TTLL7: variants seen among roughly 807,000 people sequenced by gnomAD.
TTLL7 encodes tubulin tyrosine ligase like 7, also known as tubulin polyglutamylase TTLL7.
Under a neutral mutation model 120.2 loss-of-function variants are expected in TTLL7, and 53 were observed. The observed-to-expected ratio is 0.44, with a 90% CI of 0.35 to 0.55. TTLL7 has a LOEUF of 0.55. TTLL7 is among the 20% of genes least tolerant of loss of function. TTLL7 has a pLI of 0.00. For synonymous variants in TTLL7, 353 were observed against 351.7 expected, an observed-to-expected ratio of 1.00 and a Z score of -0.04; for missense variants, 803 against 1,054.7, an observed-to-expected ratio of 0.76 and a Z score of 3.31.
At chr1:83,958,961 T>C (rs77058700) in intron 1 of TTLL7, among the ~76,000 whole-genome samples, 1 of 152,212 alleles carries the variant, frequency 6.6e-6, no homozygotes, top group Non-Finnish European at 1.5e-5. Context: ...CCACAATGTT[T>C]ATCATTATGC....
rs75593669 is a variant in TTLL7, at chr1:83,989,689, T to C, written c.-177+9242A>G. Among the ~76,000 whole-genome samples, 1,034 of 152,324 alleles carry C rather than the reference T, an allele frequency of 6.8e-3. 35 individuals are homozygous for C. Among genetic ancestry groups the C allele is most frequent in the East Asian group, 0.06 (309 of 5,192 alleles). On this transcript the variant is annotated intron_variant, in intron 1 of 20. Coordinates refer to ENST00000260505, the MANE Select transcript of TTLL7 (RefSeq NM_024686.6). ...ATTTTCAAATAGTTTTTGTTTTGTTTTGTTTTTTTAGTTCTGTGAAAAATG... is the reference window on the plus strand; with the variant it reads ...ATTTTCAAATAGTTTTTGTTTTGTTCTGTTTTTTTAGTTCTGTGAAAAATG...
intron 18 of TTLL7, among the ~76,000 whole-genome samples, chr1:83,893,123 C>A (rs1017059955): frequency 6.6e-6 from 1 of 151,550 alleles, no homozygotes; most frequent in Admixed American, 6.6e-5. Context: ...TTCCAAGAAC[C>A]TAGCTTTTGA....
At position 83,911,294 on chromosome 1, in the gene TTLL7, A is replaced by G. The variant is rs1236019551; in HGVS notation, c.1657T>C (p.Tyr553His). 2.5e-6 allele frequency: 4 copies of G among 1,613,694 alleles called. No individual in the cohort carries two copies. Among genetic ancestry groups the G allele is most frequent in the Non-Finnish European group, 3.4e-6 (4 of 1,179,748 alleles). Residue 553 changes from tyrosine to histidine, a missense_variant, in exon 15 of 21, where the codon TAT becomes CAT. Tyr to His is a moderately conservative substitution (Grantham distance 83). This residue lies in a region of TTLL7 where 388 missense variants were observed against 450.4 expected (regional missense o/e 0.86). Transcript: ENST00000260505. ...TCTGAAGAGCTGCTGCTACTATCATAACTGCTGTCACTGCTGCAGTACTTT... is the reference window on the plus strand; with the variant it reads ...TCTGAAGAGCTGCTGCTACTATCATGACTGCTGTCACTGCTGCAGTACTTT... ...RPKYCSSDSS[Y>H]DSSSSSSESD...
At chr1:83,934,226 T>A (rs1171884019) in intron 8 of TTLL7, among the ~76,000 whole-genome samples, 2 of 152,212 alleles carry the variant, frequency 1.3e-5, no homozygotes, top group African/African-American at 4.8e-5. Flanking sequence ...CAATAGTAGC[T>A]GGCATTTAGT....
intron 1 of TTLL7, among the ~76,000 whole-genome samples, chr1:83,970,793 A>G (rs1349417654): frequency 2.0e-5 from 3 of 152,034 alleles, no homozygotes; most frequent in Non-Finnish European, 4.4e-5. Context: ...GCAGGGAAGC[A>G]AGACAGAGTA....
chr1:83,998,849 G>A (rs1653726911), intron 1 of TTLL7, 82 bp downstream of exon 1: 1 of 326,264 alleles, frequency 3.1e-6, no homozygotes, highest in Non-Finnish European at 6.1e-6. Flanking sequence ...ATGGGGGCCC[G>A]GAAAGAGGGC....
At chr1:83,940,577 G>C (rs947916532) in intron 7 of TTLL7, among the ~76,000 whole-genome samples, 3 of 152,014 alleles carry the variant, frequency 2.0e-5, no homozygotes, top group African/African-American at 7.2e-5. Flanking sequence ...TTTTATTCTT[G>C]ATTTCCCTTT....
At chr1:83,932,090 C>A (rs530026522) in intron 9 of TTLL7, among the ~76,000 whole-genome samples, 1 of 152,234 alleles carries the variant, frequency 6.6e-6, no homozygotes, top group African/African-American at 2.4e-5. Context: ...TATTTTGAAT[C>A]TTTTAAAATC....
In TTLL7 at chr1:83,963,120, A is replaced by G. The variant is rs912790064; in HGVS notation, c.-176-10733T>C. On this transcript the variant is annotated intron_variant, in intron 1 of 20. Coordinates refer to ENST00000260505, the MANE Select transcript of TTLL7 (RefSeq NM_024686.6). Reference sequence around the variant, plus strand: ...TCCTCCAGTGAAGCACTACTTCCTCATTCTCAAAGCATAAGCTTTAGGTGG... The same window carrying G: ...TCCTCCAGTGAAGCACTACTTCCTCGTTCTCAAAGCATAAGCTTTAGGTGG... Among the ~76,000 whole-genome samples the G allele has an allele frequency of 2.0e-5, 3 of 152,240 alleles. No homozygotes were observed. In the East Asian group the frequency reaches 5.8e-4, roughly 29 times the overall value.
intron 14 of TTLL7, chr1:83,912,885 G>C (rs908156870): frequency 5.3e-4 from 81 of 152,228 alleles, no homozygotes; most frequent in African/African-American, 1.8e-3. Context: ...ACAATCTTGG[G>C]GAATATGAAT....
chr1:83,931,679 G>C (rs1042597109), intron 9 of TTLL7, among the ~76,000 whole-genome samples: 52 of 151,108 alleles, frequency 3.4e-4, no homozygotes, highest in Non-Finnish European at 6.2e-4. Context: ...TAATTTAAGA[G>C]TACTTAAAAC....
intron 1 of TTLL7, among the ~76,000 whole-genome samples, chr1:83,982,054 A>G (rs1652016753): frequency 6.6e-6 from 1 of 152,222 alleles, no homozygotes; most frequent in South Asian, 2.1e-4. Flanking sequence ...AACATGTCTT[A>G]GCATATTTAA....
chr1:83,961,567 G>A (rs1270393699), intron 1 of TTLL7, among the ~76,000 whole-genome samples: 9 of 151,936 alleles, frequency 5.9e-5, no homozygotes, highest in East Asian at 1.9e-4. Context: ...TTCCAGTACC[G>A]AGGATAATGA....
At chr1:83,988,117 T>A (rs1652650238) in intron 1 of TTLL7, among the ~76,000 whole-genome samples, 1 of 152,196 alleles carries the variant, frequency 6.6e-6, no homozygotes. Flanking sequence ...CTGCCACTTA[T>A]AAGTGAGAAC....
At chr1:83,969,467 T>C (rs1650776365) in intron 1 of TTLL7, among the ~76,000 whole-genome samples, 1 of 151,984 alleles carries the variant, frequency 6.6e-6, no homozygotes, top group Admixed American at 6.6e-5. Context: ...AATAAATTAC[T>C]CAAGTCAAAC....
In TTLL7 at chr1:83,868,374, G is replaced by A. The variant is rs1448286217; in HGVS notation, c.*1588C>T. ...GATGATTTCAATGTCAAAGTAGTACGGCTTATATTTTTATGGAAAACTGAA... is the reference window on the plus strand; with the variant it reads ...GATGATTTCAATGTCAAAGTAGTACAGCTTATATTTTTATGGAAAACTGAA... On this transcript the variant is annotated 3_prime_UTR_variant, in exon 21 of 21. Transcript: ENST00000260505. 1 of 152,048 alleles carries A rather than the reference G, an allele frequency of 6.6e-6. No homozygotes were observed. The highest frequency in any genetic ancestry group is 2.4e-5 in the African/African-American group (1 of 41,416). The allele number at this position is 152,048 out of a possible 1,614,324, so 9.4% of individuals were successfully genotyped here.
intron 20 of TTLL7, among the ~76,000 whole-genome samples, chr1:83,874,080 G>A (rs989669513): frequency 2.6e-5 from 4 of 151,870 alleles, no homozygotes; most frequent in African/African-American, 9.7e-5. Flanking sequence ...ATTAATTTCA[G>A]AACTTTTCAT....
In TTLL7 at chr1:83,921,128, G is replaced by A. The variant is rs745534621; in HGVS notation, c.1323C>T (p.Ile441=). 37 of 1,613,166 alleles carry A rather than the reference G, an allele frequency of 2.3e-5. No individual in the cohort carries two copies. Among genetic ancestry groups the A allele is most frequent in the Admixed American group, 3.3e-5 (2 of 59,904 alleles). ...GTCGATTTTCATGTTCTTCTCGTGA[G>A]ATCTGCTTTCGTACTTGAGCGAGTC... The part of the protein sequence containing the change: ...KERLAQVRKQ[I]SREEHENRHM... Residue 441 remains isoleucine, a synonymous_variant, in exon 12 of 21, where the codon ATC becomes ATT. Transcript: ENST00000260505.
At chr1:83,876,870 T>G (rs1653975673) in intron 20 of TTLL7, among the ~76,000 whole-genome samples, 1 of 152,022 alleles carries the variant, frequency 6.6e-6, no homozygotes, top group African/African-American at 2.4e-5. Context: ...GTTTAGTTCT[T>G]TCTTTCAAAC....
Sources: gnomAD v4.1 joint callset for allele counts (sites outside exome capture counted in the v4.1 genomes callset) on GRCh38, gnomAD v4.1.1 for gene constraint, gnomAD v4.1.1 regional missense constraint, MANE v1.5 for transcripts, NCBI Gene and HGNC (gene_info 2026-07-23, HGNC 2026-07-21) for gene names.